PCCB: variants seen among roughly 807,000 people sequenced by gnomAD.
PCCB encodes propionyl-CoA carboxylase beta chain, mitochondrial.
In PCCB, 43 loss-of-function variants were observed where a neutral mutation model predicts 60.7. The ratio of observed to expected loss-of-function variants is 0.71; its 90% CI spans 0.55 to 0.91. The LOEUF is 0.91. Among genes scored for constraint, PCCB ranks in the 40% least tolerant of loss-of-function variants. PCCB has a pLI of 0.00. For synonymous variants in PCCB, 276 were observed against 255.9 expected (o/e 1.08, Z -0.75); for missense variants, 766 against 702.8 (o/e 1.09, Z -1.02).
chr3:136,250,410 C>T lies in PCCB; in HGVS notation c.35C>T (p.Ala12Val). The T allele has an allele frequency of 6.4e-7, 1 of 1,574,238 alleles. No homozygotes were observed. Among genetic ancestry groups the T allele is most frequent in the Middle Eastern group, 1.7e-4 (1 of 5,926 alleles). ...AAALRVAAVG[A>V]RLSVLASGLR... ...GCATTACGGGTGGCGGCGGTCGGGG[C>T]AAGGCTCAGCGTTCTGGCGAGCGGT... Residue 12 changes from alanine to valine, a missense_variant, in exon 1 of 15, where the codon GCA becomes GTA. Transcript: ENST00000251654.
chr3:136,309,080 C>T (rs1265460467), intron 9 of PCCB, among the ~76,000 whole-genome samples: 9 of 151,146 alleles, frequency 6.0e-5, no homozygotes, highest in Non-Finnish European at 8.9e-5. Context: ...CTGGGCAACA[C>T]GGTGAAACCC....
Position 136,269,755 on chromosome 3 carries a change from G to A in PCCB, c.543+7690G>A, listed in dbSNP as rs1466205331. Among the ~76,000 whole-genome samples, 6 of 152,006 alleles carry A rather than the reference G, an allele frequency of 3.9e-5. No homozygotes were observed. The South Asian group carries it at 6.2e-4, about 16-fold the overall frequency. On this transcript the variant is annotated intron_variant, in intron 5 of 14. Transcript: ENST00000251654. Reference sequence around the variant, plus strand: ...AAAAAAATTAGCCGGGTGTGGTGGCGGGTGCCTGTAGTCCCAGCTACTCGG... The same window carrying A: ...AAAAAAATTAGCCGGGTGTGGTGGCAGGTGCCTGTAGTCCCAGCTACTCGG...
At chr3:136,321,410 A>G (rs1250447839) in intron 10 of PCCB, among the ~76,000 whole-genome samples, 1 of 152,146 alleles carries the variant, frequency 6.6e-6, no homozygotes, top group Non-Finnish European at 1.5e-5. Context: ...CTATAAAGGA[A>G]AGAGGTTTAA....
At chr3:136,259,036 CCTAA>C (rs1409141618) in intron 3 of PCCB, 12 of 677,702 alleles carry the variant, frequency 1.8e-5, no homozygotes, top group Admixed American at 1.3e-4. Context: ...GTTCTTAATT[CCTAA>C]CTGTCTTTTT....
At chr3:136,293,419 C>A (rs1056884202) in intron 6 of PCCB, among the ~76,000 whole-genome samples, 2 of 152,190 alleles carry the variant, frequency 1.3e-5, no homozygotes, top group African/African-American at 4.8e-5. Flanking sequence ...TTTAGTGACA[C>A]AGTTTTGTGA....
chr3:136,256,166 C>A, intron 2 of PCCB, 191 bp downstream of exon 2: 1 of 775,950 alleles, frequency 1.3e-6, no homozygotes, highest in Non-Finnish European at 2.0e-6. Context: ...TGGCCTTGAA[C>A]TCCTGGCTTC....
chr3:136,275,565 T>C lies in PCCB; in HGVS notation c.544-8272T>C, dbSNP rs1223983312. Among the ~76,000 whole-genome samples the C allele has an allele frequency of 3.9e-5, 6 of 152,276 alleles. No individual in the cohort carries two copies. In the East Asian group the frequency reaches 1.2e-3, roughly 29 times the overall value. On this transcript the variant is annotated intron_variant, in intron 5 of 14. Coordinates refer to ENST00000251654, the MANE Select transcript of PCCB (RefSeq NM_000532.5). ...TCTCGTTTGTGTAGAGTATTTCTTC[T>C]AATTGTTCTTGAATTTATTTTTGAT...
At chr3:136,328,458 A>G (rs3732519) in intron 13 of PCCB, among the ~76,000 whole-genome samples, 1,889 of 152,314 alleles carry the variant, frequency 0.012, 30 homozygotes, top group East Asian at 0.047. Flanking sequence ...GCTCAAAGAA[A>G]TATGATGAGT....
chr3:136,260,293 G>T lies in PCCB; in HGVS notation c.373-186G>T, dbSNP rs533428459. 50 of 679,982 alleles carry T rather than the reference G, an allele frequency of 7.4e-5. 1 individual carries two copies. The South Asian group carries it at 7.7e-4, about 10-fold the overall frequency. 42.1% of individuals were successfully genotyped at this position (679,982 alleles called of 1,614,324 possible). ...GGCTTCTGCCATGTCGCCCAGGCTG[G>T]TCTCAGACTCCTGGACTCAAGCCAT... On this transcript the variant is annotated intron_variant, in intron 3 of 14. Coordinates refer to ENST00000251654, the MANE Select transcript of PCCB (RefSeq NM_000532.5).
At chr3:136,316,255 A>G (rs1934889532) in intron 9 of PCCB, among the ~76,000 whole-genome samples, 1 of 151,684 alleles carries the variant, frequency 6.6e-6, no homozygotes, top group Non-Finnish European at 1.5e-5. Flanking sequence ...AATAGTTTGT[A>G]GTAAAATAAT....
chr3:136,251,486 TG>T (rs1226089395), intron 1 of PCCB, among the ~76,000 whole-genome samples: 9 of 152,188 alleles, frequency 5.9e-5, no homozygotes, highest in Non-Finnish European at 1.5e-5. Flanking sequence ...TGAGGAGATT[TG>T]AACAGCTCTA....
At chr3:136,309,223 A>C (rs750756886) in intron 9 of PCCB, among the ~76,000 whole-genome samples, 1 of 150,206 alleles carries the variant, frequency 6.7e-6, no homozygotes, top group Non-Finnish European at 1.5e-5. Flanking sequence ...AGATCGTGCC[A>C]CTGCACTCCA....
At chr3:136,283,376 T>C (rs1223555976) in intron 5 of PCCB, among the ~76,000 whole-genome samples, 2 of 152,160 alleles carry the variant, frequency 1.3e-5, no homozygotes, top group Admixed American at 6.5e-5. Flanking sequence ...AAGCACCTGC[T>C]TGTACCCTTG....
chr3:136,285,380 C>A (rs779711729), intron 6 of PCCB, among the ~76,000 whole-genome samples: 28 of 152,116 alleles, frequency 1.8e-4, no homozygotes, highest in African/African-American at 6.5e-4. Context: ...TCAGTCTGTC[C>A]GTTGGTACTA....
At chr3:136,276,301 A>G (rs1201593979) in intron 5 of PCCB, among the ~76,000 whole-genome samples, 1 of 152,170 alleles carries the variant, frequency 6.6e-6, no homozygotes, top group Non-Finnish European at 1.5e-5. Flanking sequence ...GGTAAATGCA[A>G]TACTCAGTAA....
chr3:136,262,099 C>T (rs1296239168), intron 5 of PCCB, 34 bp downstream of exon 5: 3 of 1,358,118 alleles, frequency 2.2e-6, no homozygotes, highest in South Asian at 1.2e-5. Flanking sequence ...TAAAAAAATA[C>T]AGGGCTTAAG....
At chr3:136,316,913 G>C in intron 9 of PCCB, 28 bp from the exon 10 acceptor site, 1 of 1,612,922 alleles carries the variant, frequency 6.2e-7, no homozygotes, top group Middle Eastern at 1.6e-4. Context: ...TTACCATTTT[G>C]AGCTCAGAAG....
chr3:136,264,076 G>T (rs1317237102), intron 5 of PCCB, among the ~76,000 whole-genome samples: 4 of 151,274 alleles, frequency 2.6e-5, no homozygotes, highest in Admixed American at 2.6e-4. Flanking sequence ...ACTCCTATAT[G>T]TCCTTTTCCC....
At chr3:136,278,501 C>A (rs922564763) in intron 5 of PCCB, among the ~76,000 whole-genome samples, 1 of 152,252 alleles carries the variant, frequency 6.6e-6, no homozygotes, top group South Asian at 2.1e-4. Flanking sequence ...GGTGGAAAAA[C>A]CAAAACCTCT....
Sources: gnomAD v4.1 joint callset for allele counts (sites outside exome capture counted in the v4.1 genomes callset) on GRCh38, gnomAD v4.1.1 for gene constraint, MANE v1.5 for transcripts, NCBI Gene and HGNC (gene_info 2026-07-23, HGNC 2026-07-21) for gene names.